Variants in CYBRD1 observed in about 807,000 individuals in gnomAD.
CYBRD1 encodes the protein cytochrome b reductase 1, also known as plasma membrane ascorbate-dependent reductase CYBRD1.
Under a neutral mutation model 21.9 loss-of-function variants are expected in CYBRD1, and 14 were observed. That is an observed-to-expected ratio of 0.64 (90% CI 0.42 to 1.00). The LOEUF (loss-of-function observed/expected upper bound fraction) is 1.00, where lower values mean the gene tolerates loss of function less well. Among genes scored for constraint, CYBRD1 ranks in the 50% least tolerant of loss-of-function variants. The pLI, the probability that CYBRD1 is intolerant of heterozygous loss-of-function variation, is 0.00. For synonymous variants in CYBRD1, 146 were observed against 136.5 expected (o/e 1.07, Z -0.48); for missense variants, 328 against 352.5 (o/e 0.93, Z 0.56).
chr2:171,543,173 A>C (rs1473154673), intron 2 of CYBRD1, among the ~76,000 whole-genome samples: 1 of 152,210 alleles, frequency 6.6e-6, no homozygotes, highest in Non-Finnish European at 1.5e-5. Context: ...AGAAGTCCAG[A>C]TTGGCTTGTC....
intron 1 of CYBRD1, among the ~76,000 whole-genome samples, chr2:171,525,475 C>T (rs1315167711): frequency 2.0e-5 from 3 of 152,174 alleles, no homozygotes; most frequent in Non-Finnish European, 4.4e-5. Flanking sequence ...ATTAGGAAGG[C>T]TCCAGTGGAA....
At chr2:171,551,206 C>T (rs928723909) in intron 2 of CYBRD1, 1 of 153,444 alleles carries the variant, frequency 6.5e-6, no homozygotes, top group African/African-American at 2.4e-5. Context: ...ACCTTGGCCT[C>T]CCAAAGTGCT....
At chr2:171,549,450 G>A (rs946960203) in intron 2 of CYBRD1, among the ~76,000 whole-genome samples, 9 of 152,134 alleles carry the variant, frequency 5.9e-5, no homozygotes, top group African/African-American at 2.2e-4. Context: ...ACACATTAAT[G>A]TTAAAGTTTA....
chr2:171,530,290 G>A (rs1470842964), intron 1 of CYBRD1, among the ~76,000 whole-genome samples: 5 of 152,182 alleles, frequency 3.3e-5, no homozygotes, highest in Non-Finnish European at 7.3e-5. Context: ...GGTAGCTCTA[G>A]GGGATTAATA....
chr2:171,547,580 A>C (rs1360713936), intron 2 of CYBRD1, among the ~76,000 whole-genome samples: 3 of 152,176 alleles, frequency 2.0e-5, no homozygotes, highest in African/African-American at 7.2e-5. Flanking sequence ...CTTGGGAAGC[A>C]GGTCACAGAG....
chr2:171,532,704 G>C (rs1473795321), intron 1 of CYBRD1, among the ~76,000 whole-genome samples: 1 of 152,088 alleles, frequency 6.6e-6, no homozygotes, highest in East Asian at 1.9e-4. Flanking sequence ...GGGAGGCTGA[G>C]GCAGGAGAAT....
chr2:171,548,289 A>G (rs1169421036), intron 2 of CYBRD1, among the ~76,000 whole-genome samples: 3 of 152,172 alleles, frequency 2.0e-5, no homozygotes, highest in Non-Finnish European at 2.9e-5. Flanking sequence ...CACTGAACCA[A>G]AGACTCGGGC....
intron 1 of CYBRD1, chr2:171,523,223 C>A: frequency 2.6e-6 from 1 of 390,556 alleles, no homozygotes; most frequent in Non-Finnish European, 5.2e-6. Flanking sequence ...GCTGAACTTG[C>A]TTCCAGGCTG....
At chr2:171,523,899 C>G (rs182162641) in intron 1 of CYBRD1, among the ~76,000 whole-genome samples, 24 of 152,284 alleles carry the variant, frequency 1.6e-4, no homozygotes, top group African/African-American at 5.5e-4. Flanking sequence ...AGAAAATAAT[C>G]GAGAGGAGTA....
At chr2:171,545,553 T>TC (rs1697699791) in intron 2 of CYBRD1, among the ~76,000 whole-genome samples, 1 of 149,146 alleles carries the variant, frequency 6.7e-6, no homozygotes, top group East Asian at 1.9e-4. Flanking sequence ...TAATTTTTTT[T>TC]TTTTTTTTTT....
At chr2:171,537,033 T>C (rs1327780883) in intron 1 of CYBRD1, among the ~76,000 whole-genome samples, 1 of 152,220 alleles carries the variant, frequency 6.6e-6, no homozygotes, top group Non-Finnish European at 1.5e-5. Context: ...CTGCCTCAGC[T>C]TCCTCTGTAC....
chr2:171,537,866 A>G, intron 1 of CYBRD1, among the ~76,000 whole-genome samples: 1 of 152,230 alleles, frequency 6.6e-6, no homozygotes, highest in South Asian at 2.1e-4. Context: ...GTTTTCAACA[A>G]AAAGAAAAGA....
chr2:171,533,043 C>T (rs1354825740), intron 1 of CYBRD1, among the ~76,000 whole-genome samples: 1 of 151,950 alleles, frequency 6.6e-6, no homozygotes, highest in African/African-American at 2.4e-5. Flanking sequence ...AACTACTGTG[C>T]TTTATTAGCA....
rs539004661 is a variant in CYBRD1 at position 171,552,726 on chromosome 2, A to G, written c.403-620A>G. On this transcript the variant is annotated intron_variant, in intron 2 of 3. Transcript: ENST00000321348. ...TGTCTTCTCTGCAAAGAGGTATCCC[A>G]CTAGCGATTTCATTATCAAGGAAAT... 2.0e-5 allele frequency among the ~76,000 whole-genome samples: 3 copies of G among 152,356 alleles called. No homozygotes were observed. In the South Asian group the frequency reaches 6.2e-4, roughly 32 times the overall value.
intron 2 of CYBRD1, among the ~76,000 whole-genome samples, chr2:171,543,734 CAT>C (rs757950935): frequency 2.6e-5 from 4 of 151,870 alleles, no homozygotes; most frequent in Non-Finnish European, 1.5e-5. Context: ...AAAATGGTCT[CAT>C]ATATATTCTA....
At chr2:171,529,059 C>T (rs1352413055) in intron 1 of CYBRD1, among the ~76,000 whole-genome samples, 1 of 152,190 alleles carries the variant, frequency 6.6e-6, no homozygotes, top group Non-Finnish European at 1.5e-5. Context: ...GTATCCATAG[C>T]ATTACCCAAC....
At chr2:171,538,761 C>T (rs11687075) in intron 1 of CYBRD1, among the ~76,000 whole-genome samples, 25,935 of 152,040 alleles carry the variant, frequency 0.17, 2,306 homozygotes, top group Non-Finnish European at 0.18. Flanking sequence ...AATAGATAAT[C>T]CCTTATATTT....
At position 171,556,595 on chromosome 2, in the gene CYBRD1, T is replaced by C. The variant is rs969379313; in HGVS notation, c.*1768T>C. On this transcript the variant is annotated 3_prime_UTR_variant, in exon 4 of 4. Coordinates refer to ENST00000321348, the MANE Select transcript of CYBRD1 (RefSeq NM_024843.4). ...GTAACTGGTACTTACTTCCAAAGAC[T>C]GAATACAAGCCACACTCCATCATAT... 3.3e-5 allele frequency: 5 copies of C among 152,164 alleles called. No individual in the cohort carries two copies. Among genetic ancestry groups the C allele is most frequent in the Non-Finnish European group, 5.9e-5 (4 of 68,024 alleles). 9.4% of individuals were successfully genotyped at this position (152,164 alleles called of 1,614,324 possible).
At chr2:171,553,961 G>C (rs1683436612) in intron 3 of CYBRD1, among the ~76,000 whole-genome samples, 1 of 152,180 alleles carries the variant, frequency 6.6e-6, no homozygotes, top group African/African-American at 2.4e-5. Context: ...ACACTCCACA[G>C]GGCGGGAGTG....
Sources: allele counts gnomAD v4.1 joint callset (sites outside exome capture counted in the v4.1 genomes callset), GRCh38; gene constraint gnomAD v4.1.1; transcripts MANE v1.5; gene names NCBI Gene and HGNC (gene_info 2026-07-23, HGNC 2026-07-21).